Variants in ACER1 observed in about 807,000 individuals in gnomAD.
The protein encoded by ACER1 is CTB-180A7.3.
A neutral mutation model predicts 24.9 loss-of-function variants in ACER1; 28 were observed. The ratio of observed to expected loss-of-function variants is 1.13; its 90% CI spans 0.83 to 1.54. ACER1 has a LOEUF of 1.54. ACER1 is among the 40% of genes most tolerant of loss of function. The pLI is 0.00. For missense variants in ACER1, 352 were observed against 349.3 expected (o/e 1.01, Z -0.06); for synonymous variants, 132 against 131.4 (o/e 1.00, Z -0.03).
the ACER1 span, among the ~76,000 whole-genome samples, chr19:6,356,291 A>G: frequency 3.2e-3 from 482 of 148,756 alleles, 14 homozygotes; most frequent in African/African-American, 0.011. Context: ...GTTAAGAGTC[A>G]TCACCACTCC....
chr19:6,345,785 C>G, the ACER1 span, among the ~76,000 whole-genome samples: 1 of 151,558 alleles, frequency 6.6e-6, no homozygotes, highest in African/African-American at 2.4e-5. Context: ...GACTGGTCTC[C>G]AACTCCTGAC....
At chr19:6,352,480 G>A in the ACER1 span, among the ~76,000 whole-genome samples, 29 of 152,172 alleles carry the variant, frequency 1.9e-4, no homozygotes, top group Non-Finnish European at 3.5e-4. Flanking sequence ...GGATATTCCA[G>A]CCCCAGAAAA....
chr19:6,343,122 G>A, the ACER1 span, among the ~76,000 whole-genome samples: 3 of 152,278 alleles, frequency 2.0e-5, no homozygotes, highest in Middle Eastern at 3.4e-3. Context: ...TGGTGAGGAT[G>A]GGAAGTGGGG....
At chr19:6,323,399 T>A (rs890257107) in intron 1 of ACER1, among the ~76,000 whole-genome samples, 9 of 149,240 alleles carry the variant, frequency 6.0e-5, no homozygotes, top group Non-Finnish European at 3.0e-5. Context: ...CCAGCCTGGG[T>A]GACAGCGAGA....
At chr19:6,353,854 TA>T in the ACER1 span, among the ~76,000 whole-genome samples, 1 of 150,248 alleles carries the variant, frequency 6.7e-6, no homozygotes, top group Admixed American at 6.7e-5. Flanking sequence ...AATAAAATAA[TA>T]AAATAAAATA....
chr19:6,335,561 T>G (rs542909980), upstream of ACER1, among the ~76,000 whole-genome samples: 1 of 152,190 alleles, frequency 6.6e-6, no homozygotes, highest in South Asian at 2.1e-4. Context: ...CCGGGTGCTG[T>G]GGCTCACGCC....
intron 1 of ACER1, among the ~76,000 whole-genome samples, chr19:6,328,169 T>C (rs531116423): frequency 6.6e-6 from 1 of 151,820 alleles, no homozygotes; most frequent in African/African-American, 2.4e-5. Context: ...AGTTGCGTAG[T>C]TGAGACAGAG....
At chr19:6,350,681 AGG>A in the ACER1 span, among the ~76,000 whole-genome samples, 1 of 121,322 alleles carries the variant, frequency 8.2e-6, no homozygotes, top group African/African-American at 3.2e-5. Flanking sequence ...GAAGGAAGGA[AGG>A]AGAAGAAAAA....
the ACER1 span, among the ~76,000 whole-genome samples, chr19:6,341,388 G>A: frequency 1.3e-5 from 2 of 151,114 alleles, no homozygotes. Context: ...GTTAGCCAGT[G>A]GGGGTACACA....
upstream of ACER1, among the ~76,000 whole-genome samples, chr19:6,337,501 TG>T (rs959218893): frequency 4.7e-5 from 7 of 150,096 alleles, no homozygotes; most frequent in African/African-American, 1.7e-4. Flanking sequence ...TCCCCCAGGC[TG>T]GAGTGCAATG....
the ACER1 span, among the ~76,000 whole-genome samples, chr19:6,342,340 C>T: frequency 1.4e-5 from 2 of 145,332 alleles, no homozygotes; most frequent in South Asian, 4.5e-4. Context: ...TGGCTCACTG[C>T]AATTTCTGTT....
chr19:6,348,792 T>C, the ACER1 span, among the ~76,000 whole-genome samples: 1 of 151,986 alleles, frequency 6.6e-6, no homozygotes, highest in Admixed American at 6.6e-5. Flanking sequence ...GCATGGTGGC[T>C]CAAGCCTGTA....
intron 5 of ACER1, 117 bp downstream of exon 5, chr19:6,307,036 G>C: frequency 6.6e-7 from 1 of 1,518,318 alleles, no homozygotes; most frequent in Non-Finnish European, 8.9e-7. Context: ...CCAGGTCCCA[G>C]TGTCTGGCTC....
At chr19:6,309,340 G>A (rs111290390) in intron 4 of ACER1, among the ~76,000 whole-genome samples, 2,230 of 152,130 alleles carry the variant, frequency 0.015, 63 homozygotes, top group African/African-American at 0.052. Context: ...GCAACATGAC[G>A]AAACCCTGTT....
At chr19:6,337,657 CTTTCTTTTTTTTTTTTTT>C (rs1568315514), upstream of ACER1, among the ~76,000 whole-genome samples, 27 of 51,034 alleles carry the variant, frequency 5.3e-4, no homozygotes, top group African/African-American at 2.2e-3. Flanking sequence ...TTCTTTCTTT[CTTTCTTTTTTTTTTTTTT>C]TTTTTTTTTT....
At chr19:6,310,511 A>C (rs1396218089) in intron 3 of ACER1, among the ~76,000 whole-genome samples, 2 of 151,860 alleles carry the variant, frequency 1.3e-5, no homozygotes, top group Admixed American at 1.3e-4. Context: ...CAGAGGTTTC[A>C]GTGGGCCAAG....
In ACER1 at chr19:6,312,494, G is replaced by T; in HGVS notation, c.99C>A (p.Ser33=). The T allele has an allele frequency of 6.2e-7, 1 of 1,613,142 alleles. No individual in the cohort carries two copies. The highest frequency in any genetic ancestry group is 1.1e-5 in the South Asian group (1 of 91,058). ...GCCCGAAGATGAAGAAGGGGATATT[G>T]GAGAACTGGAGCAGAGAGAGCCATA... ...ELVAEFYNTF[S]NIPFFIFGPL... Residue 33 remains serine (S), a synonymous_variant, in exon 2 of 6, where the codon TCC becomes TCA. Coordinates refer to ENST00000301452, the MANE Select transcript of ACER1 (RefSeq NM_133492.3).
At chr19:6,336,689 G>A (rs571969065), upstream of ACER1, among the ~76,000 whole-genome samples, 264 of 150,894 alleles carry the variant, frequency 1.7e-3, 4 homozygotes, top group African/African-American at 6.2e-3. Context: ...GCATGGTGGC[G>A]GGCGCCTGTA....
upstream of ACER1, among the ~76,000 whole-genome samples, chr19:6,333,884 G>T (rs528533931): frequency 1.3e-5 from 2 of 152,218 alleles, no homozygotes; most frequent in African/African-American, 4.8e-5. Context: ...ATGTATGTAT[G>T]TATTTATTTA....
Sources: gnomAD v4.1 joint callset for allele counts (sites outside exome capture counted in the v4.1 genomes callset) on GRCh38, gnomAD v4.1.1 for gene constraint, MANE v1.5 for transcripts, NCBI Gene and HGNC (gene_info 2026-07-23, HGNC 2026-07-21) for gene names.